The following PAX7 variants were observed in gnomAD, a reference collection of about 807,000 sequenced individuals.
PAX7 encodes paired box protein Pax-7.
Under a neutral mutation model 50.7 loss-of-function variants are expected in PAX7, and 18 were observed. The ratio of observed to expected loss-of-function variants is 0.36; its 90% CI spans 0.25 to 0.53. The LOEUF (loss-of-function observed/expected upper bound fraction) is 0.53. Among genes scored for constraint, PAX7 ranks in the 20% least tolerant of loss-of-function variants. PAX7 has a pLI of 0.93. For synonymous variants in PAX7, 310 were observed against 290.4 expected (o/e 1.07, Z -0.69); for missense variants, 644 against 702.9 (o/e 0.92, Z 0.95).
At chr1:18,655,770 G>GGTGTGTGTGTGTGTGTGTGT (rs549280757) in intron 4 of PAX7, among the ~76,000 whole-genome samples, 2 of 143,562 alleles carry the variant, frequency 1.4e-5, no homozygotes, top group Non-Finnish European at 3.1e-5. Flanking sequence ...ACTTGGAGAG[G>GGTGTGTGTGTGTGTGTGTGT]GTGTGTGTGT....
chr1:18,646,087 C>G (rs148729773), intron 4 of PAX7, among the ~76,000 whole-genome samples: 172 of 152,358 alleles, frequency 1.1e-3, no homozygotes, highest in Non-Finnish European at 1.9e-3. Context: ...CTCCCGCTGC[C>G]TGCAAATGCC....
chr1:18,741,785 T>A (rs137959679), intron 8 of PAX7, among the ~76,000 whole-genome samples: 1 of 152,148 alleles, frequency 6.6e-6, no homozygotes, highest in African/African-American at 2.4e-5. Flanking sequence ...GAGCAGAACA[T>A]GGGATCAATG....
At chr1:18,693,085 C>T (rs971529060) in intron 5 of PAX7, among the ~76,000 whole-genome samples, 12 of 152,118 alleles carry the variant, frequency 7.9e-5, no homozygotes, top group African/African-American at 2.7e-4. Flanking sequence ...TCGTGATGAA[C>T]GGCTCTTGTG....
intron 7 of PAX7, among the ~76,000 whole-genome samples, chr1:18,708,737 G>T (rs1037858455): frequency 6.6e-6 from 1 of 152,040 alleles, no homozygotes; most frequent in Admixed American, 6.5e-5. Flanking sequence ...AGAACACAAG[G>T]CTGGCCCTTC....
At chr1:18,707,820 C>T (rs887640799) in intron 7 of PAX7, among the ~76,000 whole-genome samples, 3 of 152,134 alleles carry the variant, frequency 2.0e-5, no homozygotes, top group Admixed American at 6.5e-5. Context: ...CAAGAAGAAA[C>T]CATCTAGGGA....
intron 4 of PAX7, among the ~76,000 whole-genome samples, chr1:18,662,601 C>T (rs762003650): frequency 1.8e-4 from 28 of 152,098 alleles, no homozygotes; most frequent in Non-Finnish European, 4.0e-4. Flanking sequence ...GACAGAGTCT[C>T]ACTCTGTCAC....
chr1:18,643,346 C>T (rs1392036563), intron 4 of PAX7, among the ~76,000 whole-genome samples: 1 of 151,898 alleles, frequency 6.6e-6, no homozygotes, highest in African/African-American at 2.4e-5. Context: ...GCCCGAGCTC[C>T]GGTGGAGACC....
chr1:18,692,919 A>AG (rs1179369199), intron 5 of PAX7, among the ~76,000 whole-genome samples: 1 of 152,144 alleles, frequency 6.6e-6, no homozygotes, highest in African/African-American at 2.4e-5. Flanking sequence ...GGCCTGCTGT[A>AG]GGGGGCCTGG....
rs149936197 is a variant in PAX7 at position 18,691,821 on chromosome 1, A to C, written c.654A>C (p.Arg218=). Residue 218 remains arginine, a synonymous_variant, in exon 5 of 9, where the codon CGA becomes CGC. Transcript: ENST00000420770. ...ACCTCCCACTGAAGCGCAAGCAGCG[A>C]CGCAGTCGGACCACATTCACGGCCG... ...EPDLPLKRKQ[R]RSRTTFTAEQ... is the part of the protein sequence containing the mutation. The C allele has an allele frequency of 2.1e-3, 3,328 of 1,612,440 alleles. 59 individuals carry two copies. The South Asian group carries it at 0.028, about 13-fold the overall frequency.
intron 5 of PAX7, among the ~76,000 whole-genome samples, chr1:18,694,482 A>AAATC: frequency 7.3e-6 from 1 of 137,498 alleles, no homozygotes. Context: ...ATAAATAAAT[A>AAATC]AATAAATAAA....
At chr1:18,637,249 T>G (rs1034241358) in intron 4 of PAX7, among the ~76,000 whole-genome samples, 23 of 152,170 alleles carry the variant, frequency 1.5e-4, no homozygotes, top group African/African-American at 5.1e-4. Context: ...AGGGAAAGTT[T>G]TTCCTCATTA....
At chr1:18,643,478 T>G (rs1036136469) in intron 4 of PAX7, among the ~76,000 whole-genome samples, 8 of 152,020 alleles carry the variant, frequency 5.3e-5, no homozygotes, top group Admixed American at 5.2e-4. Context: ...TTGAGGACGC[T>G]GGAAAATGCG....
intron 4 of PAX7, among the ~76,000 whole-genome samples, chr1:18,665,824 C>G (rs1422881611): frequency 1.3e-5 from 2 of 152,050 alleles, no homozygotes; most frequent in Non-Finnish European, 2.9e-5. Context: ...CGTGCACCAC[C>G]ATGCCTGACT....
intron 4 of PAX7, among the ~76,000 whole-genome samples, chr1:18,642,484 G>A (rs1251546990): frequency 6.6e-6 from 1 of 152,132 alleles, no homozygotes; most frequent in Non-Finnish European, 1.5e-5. Context: ...GACTAAGGGG[G>A]GAGGACACAT....
Position 18,680,621 on chromosome 1 carries a change from C to G in PAX7, c.587-11133C>G, listed in dbSNP as rs150685592. 3.6e-3 allele frequency among the ~76,000 whole-genome samples: 547 copies of G among 152,308 alleles called. 3 individuals carry two copies. Among genetic ancestry groups the G allele is most frequent in the African/African-American group, 0.012 (519 of 41,560 alleles). On this transcript the variant is annotated intron_variant, in intron 4 of 8. Transcript: ENST00000420770. The stretch of plus-strand genomic sequence containing the variant: ...ACCCAGGTCCGTCTGACCTCACTGC[C>G]TCTACTCTTCTCACCTCTCCCCCAG...
Position 18,634,178 on chromosome 1 carries a change from C to G in PAX7, c.86-125C>G. 1.5e-6 allele frequency: 1 copy of G among 689,258 alleles called. No individual in the cohort carries two copies. Among genetic ancestry groups the G allele is most frequent in the South Asian group, 1.9e-5 (1 of 54,028 alleles). 42.7% of individuals were successfully genotyped at this position (689,258 alleles called of 1,614,324 possible). ...ACCGAAGCCCCAGTGTGAGGACCAC[C>G]GGGATTGCTGTCTGAGGTCTTGGGG... On this transcript the variant is annotated intron_variant, in intron 1 of 8. Coordinates refer to ENST00000420770, the MANE Select transcript of PAX7 (RefSeq NM_001135254.2). The surrounding 1 kb of genome is among the most constrained non-coding windows in gnomAD (Gnocchi z 4.0).
At chr1:18,679,412 C>T (rs760570666) in intron 4 of PAX7, among the ~76,000 whole-genome samples, 13 of 152,222 alleles carry the variant, frequency 8.5e-5, no homozygotes, top group Non-Finnish European at 1.6e-4. Context: ...CTTTCACAGC[C>T]GCTTTGTGGG....
intron 4 of PAX7, among the ~76,000 whole-genome samples, chr1:18,684,927 T>A (rs1349211124): frequency 1.3e-5 from 2 of 152,146 alleles, no homozygotes; most frequent in African/African-American, 2.4e-5. Context: ...ATGGGTGATT[T>A]AGAAATGGGT....
intron 4 of PAX7, among the ~76,000 whole-genome samples, chr1:18,687,054 C>G (rs1260913602): frequency 2.6e-5 from 4 of 151,980 alleles, no homozygotes; most frequent in African/African-American, 9.6e-5. Flanking sequence ...CCATGCCCAG[C>G]TAATTTTTGT....
Sources: gnomAD v4.1 joint callset for allele counts (sites outside exome capture counted in the v4.1 genomes callset) on GRCh38, gnomAD v4.1.1 for gene constraint, Gnocchi (gnomAD v3.1) non-coding constraint, MANE v1.5 for transcripts, NCBI Gene and HGNC (gene_info 2026-07-23, HGNC 2026-07-21) for gene names.